The following KIF13B variants were observed in gnomAD, a reference collection of about 807,000 sequenced individuals.
KIF13B encodes kinesin family member 13B.
Under a neutral mutation model 222.0 loss-of-function variants are expected in KIF13B, and 127 were observed. The ratio of observed to expected loss-of-function variants is 0.57; its 90% CI spans 0.50 to 0.66. The LOEUF is 0.66. Ranked by LOEUF, KIF13B falls within the 30% of genes least tolerant of loss-of-function variation. KIF13B has a pLI of 0.00. For synonymous variants in KIF13B, 976 were observed against 919.0 expected, an observed-to-expected ratio of 1.06 and a Z score of -1.12; for missense variants, 2,173 against 2,379.0, an observed-to-expected ratio of 0.91 and a Z score of 1.80.
chr8:29,095,746 G>A (rs191197589), intron 36 of KIF13B, among the ~76,000 whole-genome samples: 24 of 152,084 alleles, frequency 1.6e-4, no homozygotes, highest in Admixed American at 2.6e-4. Flanking sequence ...CAGCCTGGGC[G>A]ACAAGAGCAA....
chr8:29,076,648 G>A (rs909445366), intron 37 of KIF13B, among the ~76,000 whole-genome samples: 1 of 152,198 alleles, frequency 6.6e-6, no homozygotes, highest in Non-Finnish European at 1.5e-5. Flanking sequence ...GAATAGCCTC[G>A]CTTCACCTGA....
At chr8:29,122,743 G>A in intron 28 of KIF13B, 97 bp from the exon 29 acceptor site, 1 of 947,614 alleles carries the variant, frequency 1.1e-6, no homozygotes. Context: ...GCTGTTACAG[G>A]GCAAAGCAGT....
chr8:29,129,309 C>A (rs1250384957), intron 24 of KIF13B, among the ~76,000 whole-genome samples: 1 of 152,170 alleles, frequency 6.6e-6, no homozygotes, highest in East Asian at 1.9e-4. Context: ...GAAGAAGATA[C>A]ATATATTTTT....
chr8:29,067,497 TC>T lies in KIF13B; in HGVS notation c.*3006del, dbSNP rs917882491. The stretch of plus-strand genomic sequence containing the variant: ...AGTCACTTCTTTATATGTGAACTCT[TC>T]GCATTTACACGAATCCACACATAGA... On this transcript the variant is annotated 3_prime_UTR_variant, in exon 40 of 40. Transcript: ENST00000524189. 1.4e-3 allele frequency: 206 copies of T among 152,504 alleles called. No homozygotes were observed. The highest frequency in any genetic ancestry group is 4.8e-3 in the African/African-American group (200 of 41,566). The allele number at this position is 152,504 out of a possible 1,614,324, so 9.4% of individuals were successfully genotyped here.
intron 36 of KIF13B, among the ~76,000 whole-genome samples, chr8:29,097,137 A>G (rs1808569321): frequency 6.6e-6 from 1 of 152,208 alleles, no homozygotes; most frequent in Non-Finnish European, 1.5e-5. Flanking sequence ...AAAAAGATAC[A>G]TCGTGCAAAC....
intron 37 of KIF13B, 139 bp from the exon 38 acceptor site, chr8:29,075,482 C>T: frequency 1.4e-6 from 1 of 706,462 alleles, no homozygotes; most frequent in Non-Finnish European, 2.3e-6. Context: ...AGGGGCTCCA[C>T]ACCCTCCAAG....
At chr8:29,121,933 C>T (rs1809879014) in intron 29 of KIF13B, among the ~76,000 whole-genome samples, 1 of 152,100 alleles carries the variant, frequency 6.6e-6, no homozygotes, top group Admixed American at 6.5e-5. Flanking sequence ...AGTTATTTGT[C>T]CTTTCCAGAG....
At chr8:29,160,957 A>G (rs1811751610) in intron 12 of KIF13B, 90 bp from the exon 13 acceptor site, 1 of 1,086,952 alleles carries the variant, frequency 9.2e-7, no homozygotes, top group Admixed American at 2.3e-5. Context: ...CAATTATTCA[A>G]TAGTGTTGTA....
At chr8:29,112,984 C>T (rs188353604) in intron 32 of KIF13B, among the ~76,000 whole-genome samples, 171 of 152,300 alleles carry the variant, frequency 1.1e-3, no homozygotes, top group Non-Finnish European at 1.9e-3. Flanking sequence ...CTCTAGCACA[C>T]GCACAACAAT....
At chr8:29,107,423 G>A (rs1809124696) in intron 35 of KIF13B, among the ~76,000 whole-genome samples, 1 of 152,062 alleles carries the variant, frequency 6.6e-6, no homozygotes, top group African/African-American at 2.4e-5. Flanking sequence ...AGCTATTTGG[G>A]AGGCTGAGGC....
In KIF13B at chr8:29,071,814, C is replaced by A. The variant is rs1306976598; in HGVS notation, c.5024G>T (p.Gly1675Val). ...GDPGCSPGAE[G>V]NAPAPGAGGQ... ...CCCGGCGCCCGGGGCCGGCGCATTC[C>A]CCTCGGCCCCCGGGGAGCAGCCGGG... Residue 1675 changes from glycine to valine, a missense_variant, in exon 39 of 40, where the codon GGG becomes GTG. By Grantham distance (109) the Gly-to-Val change is moderately radical (BLOSUM62 -3). Coordinates refer to ENST00000524189, the MANE Select transcript of KIF13B (RefSeq NM_015254.4). This position sits in a 1 kb window ranked among gnomAD's most constrained non-coding sequence, Gnocchi z 4.9. The A allele has an allele frequency of 6.5e-7, 1 of 1,543,828 alleles. No homozygotes were observed. The highest frequency in any genetic ancestry group is 8.7e-7 in the Non-Finnish European group (1 of 1,146,044).
At chr8:29,209,597 T>A (rs537320604) in intron 2 of KIF13B, among the ~76,000 whole-genome samples, 1 of 152,222 alleles carries the variant, frequency 6.6e-6, no homozygotes, top group African/African-American at 2.4e-5. Context: ...CCAGGCAGGG[T>A]GTGACTAAGC....
At chr8:29,100,881 G>A (rs954724668) in intron 35 of KIF13B, among the ~76,000 whole-genome samples, 3 of 152,112 alleles carry the variant, frequency 2.0e-5, no homozygotes, top group Non-Finnish European at 4.4e-5. Context: ...TTTTAGCAGC[G>A]ACCTAAGTAC....
At chr8:29,241,539 G>C (rs1300453498) in intron 2 of KIF13B, among the ~76,000 whole-genome samples, 3 of 152,164 alleles carry the variant, frequency 2.0e-5, no homozygotes, top group African/African-American at 7.2e-5. Context: ...TGGAGGTTGG[G>C]ATTATTTTCA....
intron 9 of KIF13B, 111 bp from the exon 10 acceptor site, chr8:29,176,290 C>T (rs1197121711): frequency 1.5e-6 from 1 of 656,462 alleles, no homozygotes; most frequent in Non-Finnish European, 2.7e-6. Flanking sequence ...GTGAGCAGCA[C>T]CCTGTCAGCA....
At chr8:29,172,598 T>C (rs1336047055) in intron 10 of KIF13B, among the ~76,000 whole-genome samples, 2 of 152,200 alleles carry the variant, frequency 1.3e-5, no homozygotes, top group Non-Finnish European at 2.9e-5. Flanking sequence ...GAAGTGAGTA[T>C]CCTTCTAATG....
intron 8 of KIF13B, among the ~76,000 whole-genome samples, chr8:29,178,978 C>T (rs1440776149): frequency 1.3e-5 from 2 of 152,210 alleles, no homozygotes; most frequent in African/African-American, 4.8e-5. Context: ...ACTGGGTTTA[C>T]TCTTCACTAG....
intron 2 of KIF13B, among the ~76,000 whole-genome samples, chr8:29,197,864 A>T (rs764849806): frequency 6.6e-6 from 1 of 152,234 alleles, no homozygotes; most frequent in Non-Finnish European, 1.5e-5. Context: ...CTGAAATCAA[A>T]CAATTTAAGA....
At chr8:29,170,045 A>C (rs1337178755) in intron 10 of KIF13B, among the ~76,000 whole-genome samples, 1 of 152,234 alleles carries the variant, frequency 6.6e-6, no homozygotes, top group Non-Finnish European at 1.5e-5. Flanking sequence ...ATGGAGCAAC[A>C]ATACCCTTAT....
Sources: gnomAD v4.1 joint callset for allele counts (sites outside exome capture counted in the v4.1 genomes callset) on GRCh38, gnomAD v4.1.1 for gene constraint, Gnocchi (gnomAD v3.1) non-coding constraint, MANE v1.5 for transcripts, NCBI Gene and HGNC (gene_info 2026-07-23, HGNC 2026-07-21) for gene names.